Variants in CGNL1 observed in about 807,000 individuals in gnomAD.
CGNL1 encodes the protein cingulin-like protein 1.
CGNL1 carries 132 observed loss-of-function variants against 141.2 expected under a neutral mutation model. The ratio of observed to expected loss-of-function variants is 0.93; its 90% confidence interval spans 0.81 to 1.08. The LOEUF (loss-of-function observed/expected upper bound fraction) is 1.08, where lower values mean the gene tolerates loss of function less well. Among genes scored for constraint, CGNL1 ranks in the 50% least tolerant of loss-of-function variants. The probability of loss-of-function intolerance (pLI) is 0.00; values close to 1 mark genes in which losing one functional copy is unlikely to be tolerated. For synonymous variants in CGNL1, 690 were observed against 622.1 expected, an observed-to-expected ratio of 1.11 and a Z score of -1.63; for missense variants, 1,870 against 1,588.6, an observed-to-expected ratio of 1.18 and a Z score of -3.01.
At chr15:57,398,297 T>G (rs1270439474) in intron 1 of CGNL1, 1 of 152,242 alleles carries the variant, frequency 6.6e-6, no homozygotes, top group Non-Finnish European at 1.5e-5. Context: ...TTTCCTTTTT[T>G]GTTTTTTTGA....
In CGNL1 at chr15:57,440,465, AAGAAG is replaced by A; in HGVS notation, c.1692_1696del (p.Glu565LysfsTer3). Reference sequence around the variant, plus strand: ...AAGCAGATTCTCTACAATTACCTCAAAGAAGGGTTAGTGATTTTCCCTCTGAAAGA... The same window carrying A: ...AAGCAGATTCTCTACAATTACCTCAAGGTTAGTGATTTTCCCTCTGAAAGA... On this transcript the variant is annotated frameshift_variant and splice_region_variant, in exon 3 of 19. Coordinates refer to ENST00000281282, the MANE Select transcript of CGNL1 (RefSeq NM_032866.5). LOFTEE classifies it high-confidence loss of function. The A allele has an allele frequency of 1.3e-6, 2 of 1,582,986 alleles. No individual in the cohort carries two copies. Among genetic ancestry groups the A allele is most frequent in the Non-Finnish European group, 1.7e-6 (2 of 1,161,530 alleles).
At chr15:57,497,804 C>T (rs1468895621) in intron 8 of CGNL1, among the ~76,000 whole-genome samples, 2 of 152,186 alleles carry the variant, frequency 1.3e-5, no homozygotes, top group Admixed American at 1.3e-4. Flanking sequence ...CACACACGGG[C>T]GGCGGCCTGT....
intron 8 of CGNL1, among the ~76,000 whole-genome samples, chr15:57,511,326 T>G (rs2152400056): frequency 6.6e-6 from 1 of 152,298 alleles, no homozygotes; most frequent in East Asian, 1.9e-4. Context: ...TTTCTTGTTC[T>G]TTTTTTCTCC....
chr15:57,523,444 C>G (rs751977936), intron 10 of CGNL1, 45 bp from the exon 11 acceptor site: 1 of 1,604,730 alleles, frequency 6.2e-7, no homozygotes, highest in East Asian at 2.2e-5. Flanking sequence ...CCTGTGGCTA[C>G]CTGGTTAGTA....
intron 8 of CGNL1, among the ~76,000 whole-genome samples, chr15:57,467,660 G>C (rs1354940124): frequency 6.7e-6 from 1 of 149,490 alleles, no homozygotes; most frequent in Non-Finnish European, 1.5e-5. Context: ...GGTGATAATA[G>C]TGCTATTGTT....
At chr15:57,535,787 G>C (rs1468151064) in intron 14 of CGNL1, among the ~76,000 whole-genome samples, 2 of 152,198 alleles carry the variant, frequency 1.3e-5, no homozygotes, top group Non-Finnish European at 2.9e-5. Context: ...CAGGGGTGGG[G>C]GTGAGGACTG....
In CGNL1 at chr15:57,547,855, A is replaced by G; in HGVS notation, c.*365A>G. The G allele has an allele frequency of 4.3e-6, 1 of 233,770 alleles. No homozygotes were observed. Among genetic ancestry groups the G allele is most frequent in the Non-Finnish European group, 8.3e-6 (1 of 121,084 alleles). 14.5% of individuals were successfully genotyped at this position (233,770 alleles called of 1,614,324 possible). On this transcript the variant is annotated 3_prime_UTR_variant, in exon 19 of 19. Transcript: ENST00000281282. The stretch of plus-strand genomic sequence containing the variant: ...GGGTCCAGAAGGCTAGGACTTACTT[A>G]ATAGCACTGTGCAGGGAGGAAACCA...
chr15:57,544,579 G>T lies in CGNL1; in HGVS notation c.3482G>T (p.Arg1161Leu), dbSNP rs749022549. 1 of 1,588,288 alleles carries T rather than the reference G, an allele frequency of 6.3e-7. No homozygotes were observed. Among genetic ancestry groups the T allele is most frequent in the African/African-American group, 1.3e-5 (1 of 74,804 alleles). The change falls in exon 16 of 19, where the codon CGC (arginine) becomes CTC (leucine). Residue 1161 changes from arginine to leucine, a missense_variant. Coordinates refer to ENST00000281282, the MANE Select transcript of CGNL1 (RefSeq NM_032866.5). ...MEARIAELED[R>L]LESEERDRAN... is the part of the protein sequence containing the mutation. ...GCCAGGATCGCGGAGCTGGAGGACC[G>T]CCTGGAGAGTGAGGAGAGGTGAGCC...
chr15:57,440,621 G>T, intron 3 of CGNL1, 150 bp downstream of exon 3: 2 of 652,898 alleles, frequency 3.1e-6, no homozygotes, highest in South Asian at 3.6e-5. Context: ...TTTTCGTGAC[G>T]GCATTTGTCT....
chr15:57,529,573 C>T (rs932248782), intron 13 of CGNL1, among the ~76,000 whole-genome samples: 4 of 142,794 alleles, frequency 2.8e-5, no homozygotes, highest in African/African-American at 1.0e-4. Flanking sequence ...CACACACACA[C>T]ACACACACAC....
chr15:57,498,734 G>GGAC (rs1211959238), intron 8 of CGNL1, among the ~76,000 whole-genome samples: 1 of 152,068 alleles, frequency 6.6e-6, no homozygotes, highest in Non-Finnish European at 1.5e-5. Context: ...GTGTGGTCAG[G>GGAC]GACCATTTCC....
At position 57,439,527 on chromosome 15, in the gene CGNL1, G is replaced by A. The variant is rs756822083; in HGVS notation, c.1528G>A (p.Ala510Thr). 5 of 1,614,190 alleles carry A rather than the reference G, an allele frequency of 3.1e-6. No homozygotes were observed. The South Asian group carries it at 3.3e-5, about 11-fold the overall frequency. Residue 510 changes from alanine (A) to threonine (T), a missense_variant, in exon 2 of 19, where the codon GCA becomes ACA. Coordinates refer to ENST00000281282, the MANE Select transcript of CGNL1 (RefSeq NM_032866.5). ...ATATLMLQNR[A>T]TATSPDSGAK... The stretch of plus-strand genomic sequence containing the variant: ...CGCTACGCTGATGTTACAGAACCGG[G>A]CAACAGCAACTTCGCCTGATTCTGG...
chr15:57,519,149 C>A (rs548556725), intron 10 of CGNL1, among the ~76,000 whole-genome samples: 2 of 152,256 alleles, frequency 1.3e-5, no homozygotes, highest in South Asian at 4.2e-4. Flanking sequence ...CCTGTACTGC[C>A]GTTCTGATTG....
At chr15:57,487,467 T>C (rs1229264584) in intron 8 of CGNL1, among the ~76,000 whole-genome samples, 1 of 152,186 alleles carries the variant, frequency 6.6e-6, no homozygotes, top group Non-Finnish European at 1.5e-5. Context: ...TGGGTTAGGA[T>C]ACATATTTTT....
chr15:57,526,948 A>G (rs1219886136), intron 12 of CGNL1, among the ~76,000 whole-genome samples: 2 of 152,156 alleles, frequency 1.3e-5, no homozygotes, highest in African/African-American at 2.4e-5. Context: ...CCTCACACTC[A>G]TGTTCTTTCT....
At chr15:57,456,714 C>T (rs1342080266) in intron 7 of CGNL1, among the ~76,000 whole-genome samples, 9 of 151,850 alleles carry the variant, frequency 5.9e-5, no homozygotes, top group African/African-American at 2.2e-4. Context: ...ACCTTCCATT[C>T]CAAGGGTGAC....
intron 1 of CGNL1, among the ~76,000 whole-genome samples, chr15:57,419,285 C>A (rs1215590803): frequency 6.6e-6 from 1 of 152,144 alleles, no homozygotes; most frequent in African/African-American, 2.4e-5. Context: ...TAGCTTTAGA[C>A]TGATAAGGAA....
At chr15:57,453,230 T>C (rs1397969672) in intron 6 of CGNL1, among the ~76,000 whole-genome samples, 1 of 152,152 alleles carries the variant, frequency 6.6e-6, no homozygotes, top group Admixed American at 6.5e-5. Context: ...AGCATGACCA[T>C]GTTCCAGTAA....
At chr15:57,398,673 C>T (rs769217000) in intron 1 of CGNL1, among the ~76,000 whole-genome samples, 16 of 152,104 alleles carry the variant, frequency 1.1e-4, no homozygotes, top group African/African-American at 2.2e-4. Context: ...ACCAGGCTGG[C>T]GTCATGGTGT....
Sources: allele counts gnomAD v4.1 joint callset (sites outside exome capture counted in the v4.1 genomes callset), GRCh38; gene constraint gnomAD v4.1.1; transcripts MANE v1.5; gene names NCBI Gene and HGNC (gene_info 2026-07-23, HGNC 2026-07-21).